Variants in IQCH observed in about 807,000 individuals in gnomAD.
IQCH encodes IQ motif containing H, also known as IQ domain-containing protein H.
IQCH carries 98 observed loss-of-function variants against 117.0 expected under a neutral mutation model. The observed-to-expected ratio is 0.84, with a 90% CI of 0.71 to 0.99. The LOEUF is 0.99. IQCH is among the 50% of genes least tolerant of loss of function. The pLI, the probability that IQCH is intolerant of heterozygous loss-of-function variation, is 0.00. For missense variants in IQCH, 1,102 were observed against 1,243.8 expected, an observed-to-expected ratio of 0.89 and a Z score of 1.72; for synonymous variants, 412 against 448.2, an observed-to-expected ratio of 0.92 and a Z score of 1.02.
In IQCH at chr15:67,390,511, C is replaced by G. The variant is rs144897737; in HGVS notation, c.1632+1505C>G. ...TTTCTTTTTTTCTTTTTTTTTGAGACAGAGTCTCACTCTGTTGCCCAGGCT... is the reference window on the plus strand; with the variant it reads ...TTTCTTTTTTTCTTTTTTTTTGAGAGAGAGTCTCACTCTGTTGCCCAGGCT... On this transcript the variant is annotated intron_variant, in intron 12 of 20. Coordinates refer to ENST00000335894, the MANE Select transcript of IQCH (RefSeq NM_001031715.3). The surrounding 1 kb of genome is among the most constrained non-coding windows in gnomAD (Gnocchi z 5.0). 6.6e-6 allele frequency among the ~76,000 whole-genome samples: 1 copy of G among 151,770 alleles called. No individual in the cohort carries two copies. Among genetic ancestry groups the G allele is most frequent in the Non-Finnish European group, 1.5e-5 (1 of 67,924 alleles).
intron 4 of IQCH, among the ~76,000 whole-genome samples, chr15:67,329,296 C>CT (rs1968554327): frequency 1.6e-5 from 1 of 63,674 alleles, no homozygotes; most frequent in African/African-American, 7.2e-5. Flanking sequence ...AAGACCTTGT[C>CT]TCAAAAAAAA....
At chr15:67,272,766 A>G (rs537436007) in intron 3 of IQCH, among the ~76,000 whole-genome samples, 10 of 152,316 alleles carry the variant, frequency 6.6e-5, no homozygotes, top group South Asian at 4.1e-4. Context: ...CCAGTTGCAT[A>G]GAATATCAAC....
rs368941939 is a variant in IQCH, at chr15:67,357,419, A to G, written c.712A>G (p.Lys238Glu). The G allele has an allele frequency of 1.3e-5, 20 of 1,583,124 alleles. No homozygotes were observed. The highest frequency in any genetic ancestry group is 1.6e-5 in the Non-Finnish European group (19 of 1,151,824). The change falls in exon 7 of 21, where the codon AAG (lysine) becomes GAG (glutamate). Residue 238 changes from lysine (K) to glutamate (E), a missense_variant and splice_region_variant. Physicochemically the swap from Lys to Glu is moderately conservative, Grantham distance 56. This residue lies in a region of IQCH where 452 missense variants were observed against 449.6 expected (regional missense o/e 1.01). Transcript: ENST00000335894. Reference protein sequence around the residue: ...VKFFPKKQRSKGKSRRSRGHH... With the variant: ...VKFFPKKQRSEGKSRRSRGHH... ...GTTCTTTCCCAAGAAACAAAGATCA[A>G]AGGTATTTATATTCCTCACTATAGA...
chr15:67,489,513 C>A (rs2083589479), intron 18 of IQCH, among the ~76,000 whole-genome samples: 1 of 7,798 alleles, frequency 1.3e-4, no homozygotes, highest in Non-Finnish European at 3.0e-4. Flanking sequence ...GCCAGGCTGG[C>A]CTCCTGGGCT....
At chr15:67,414,485 A>G (rs1211636926) in intron 14 of IQCH, among the ~76,000 whole-genome samples, 2 of 152,002 alleles carry the variant, frequency 1.3e-5, no homozygotes, top group African/African-American at 4.8e-5. Context: ...TGAGCAGGAA[A>G]GTGAGGCCAC....
chr15:67,265,453 G>T (rs1215548103), intron 3 of IQCH, among the ~76,000 whole-genome samples: 1 of 152,196 alleles, frequency 6.6e-6, no homozygotes, highest in Non-Finnish European at 1.5e-5. Context: ...GTTTGTATGG[G>T]CCCTATAAAC....
chr15:67,255,014 G>A, intron 1 of IQCH, 67 bp downstream of exon 1: 4 of 1,491,956 alleles, frequency 2.7e-6, no homozygotes, highest in Non-Finnish European at 3.7e-6. Context: ...GGTCCCGCGC[G>A]CCGATTCACC....
chr15:67,359,982 T>G lies in IQCH; in HGVS notation c.753+97T>G. ...AGAGTATGGGTGACTGCTTGACAGCTGGAGATGGCAACAAAAGTTCGTGCT... is the reference window on the plus strand; with the variant it reads ...AGAGTATGGGTGACTGCTTGACAGCGGGAGATGGCAACAAAAGTTCGTGCT... On this transcript the variant is annotated intron_variant, in intron 8 of 20. Transcript: ENST00000335894. The surrounding 1 kb of genome is among the most constrained non-coding windows in gnomAD (Gnocchi z 4.5). 1 of 857,960 alleles carries G rather than the reference T, an allele frequency of 1.2e-6. No individual in the cohort carries two copies. Among genetic ancestry groups the G allele is most frequent in the Non-Finnish European group, 1.9e-6 (1 of 533,120 alleles). 53.1% of individuals were successfully genotyped at this position (857,960 alleles called of 1,614,324 possible).
Position 67,500,885 on chromosome 15 carries a change from A to C in IQCH, c.*139A>C. On this transcript the variant is annotated 3_prime_UTR_variant, in exon 21 of 21. Coordinates refer to ENST00000335894, the MANE Select transcript of IQCH (RefSeq NM_001031715.3). The surrounding 1 kb of genome is among the most constrained non-coding windows in gnomAD (Gnocchi z 4.4). ...GTGAATCAGAACAGATTATAATGAA[A>C]TGCTCTTTTTAAAACATTGTTTATT... 1 of 440,306 alleles carries C rather than the reference A, an allele frequency of 2.3e-6. No homozygotes were observed. The highest frequency in any genetic ancestry group is 4.1e-6 in the Non-Finnish European group (1 of 241,228). 27.3% of individuals were successfully genotyped at this position (440,306 alleles called of 1,614,324 possible). A position where few individuals can be genotyped will look rare whatever the true frequency, so the allele number is the denominator to read the frequency against.
At chr15:67,292,489 G>C (rs1241218915) in intron 4 of IQCH, among the ~76,000 whole-genome samples, 1 of 152,122 alleles carries the variant, frequency 6.6e-6, no homozygotes, top group Non-Finnish European at 1.5e-5. Flanking sequence ...CTGAGCTCAA[G>C]TGATCCTCCT....
chr15:67,295,029 C>T (rs1966843654), intron 4 of IQCH, among the ~76,000 whole-genome samples: 1 of 152,156 alleles, frequency 6.6e-6, no homozygotes, highest in Non-Finnish European at 1.5e-5. Flanking sequence ...CTAAACTCAG[C>T]TGATAAGTGC....
In IQCH at chr15:67,456,481, G is replaced by T. The variant is rs1247088080; in HGVS notation, c.2506-8646G>T. On this transcript the variant is annotated intron_variant, in intron 16 of 20. Coordinates refer to ENST00000335894, the MANE Select transcript of IQCH (RefSeq NM_001031715.3). This position sits in a 1 kb window ranked among gnomAD's most constrained non-coding sequence, Gnocchi z 5.1. ...ATGAGAAGGATGGAGGTCATTCTCA[G>T]TCAGCCAGGACAGTGCTGGTTAAGA... Among the ~76,000 whole-genome samples the T allele has an allele frequency of 6.6e-6, 1 of 152,284 alleles. No individual in the cohort carries two copies. Among genetic ancestry groups the T allele is most frequent in the African/African-American group, 2.4e-5 (1 of 41,550 alleles).
rs1409196973 is a variant in IQCH, at chr15:67,454,073, T to C, written c.2506-11054T>C. 2.0e-5 allele frequency among the ~76,000 whole-genome samples: 3 copies of C among 152,204 alleles called. No individual in the cohort carries two copies. The highest frequency in any genetic ancestry group is 2.1e-4 in the South Asian group (1 of 4,834). ...CCTGGTGTGCTGTTTTTTAAGCCCG[T>C]TGGAAAAGCGCAGTATTAGGGTGGG... On this transcript the variant is annotated intron_variant, in intron 16 of 20. Coordinates refer to ENST00000335894, the MANE Select transcript of IQCH (RefSeq NM_001031715.3). This position sits in a 1 kb window ranked among gnomAD's most constrained non-coding sequence, Gnocchi z 5.2.
intron 4 of IQCH, among the ~76,000 whole-genome samples, chr15:67,302,963 C>A (rs1235865237): frequency 6.6e-6 from 1 of 152,178 alleles, no homozygotes; most frequent in Admixed American, 6.5e-5. Flanking sequence ...GCTTATCTAG[C>A]ATACATTCTG....
intron 18 of IQCH, among the ~76,000 whole-genome samples, chr15:67,477,026 T>A (rs902859069): frequency 6.6e-6 from 1 of 150,806 alleles, no homozygotes; most frequent in East Asian, 1.9e-4. Context: ...ATTTTATACA[T>A]TCTATTTTCT....
At chr15:67,418,162 G>A (rs1181682702) in intron 15 of IQCH, among the ~76,000 whole-genome samples, 5 of 152,026 alleles carry the variant, frequency 3.3e-5, no homozygotes, top group Admixed American at 1.3e-4. Flanking sequence ...AGCTACCTCC[G>A]TGCTGCTCCA....
intron 4 of IQCH, among the ~76,000 whole-genome samples, chr15:67,298,228 A>T (rs770833150): frequency 6.6e-6 from 1 of 151,710 alleles, no homozygotes; most frequent in African/African-American, 2.4e-5. Context: ...GAATTGCTTG[A>T]ACCCAGGAGG....
chr15:67,274,219 A>C (rs1420565156), intron 3 of IQCH, among the ~76,000 whole-genome samples: 2 of 152,128 alleles, frequency 1.3e-5, no homozygotes, highest in African/African-American at 4.8e-5. Flanking sequence ...TAAAGTTTTC[A>C]AAAGTTTTCT....
Position 67,406,816 on chromosome 15 carries a change from T to C in IQCH, c.2097+6511T>C, listed in dbSNP as rs1009039997. Reference sequence around the variant, plus strand: ...ATCTGTAAAGAGAGATTAGTACCTGTCTCATGGGGAAGTGGTGACAAGTAA... The same window carrying C: ...ATCTGTAAAGAGAGATTAGTACCTGCCTCATGGGGAAGTGGTGACAAGTAA... On this transcript the variant is annotated intron_variant, in intron 14 of 20. Coordinates refer to ENST00000335894, the MANE Select transcript of IQCH (RefSeq NM_001031715.3). This position sits in a 1 kb window ranked among gnomAD's most constrained non-coding sequence, Gnocchi z 4.5. The C allele has an allele frequency of 1.3e-5, 2 of 152,228 alleles. No homozygotes were observed. Among genetic ancestry groups the C allele is most frequent in the Non-Finnish European group, 2.9e-5 (2 of 68,042 alleles). The allele number at this position is 152,228 out of a possible 1,614,324, so 9.4% of individuals were successfully genotyped here.
Sources: allele counts gnomAD v4.1 joint callset (sites outside exome capture counted in the v4.1 genomes callset), GRCh38; gene constraint gnomAD v4.1.1; regional missense constraint gnomAD v4.1.1; non-coding constraint Gnocchi (gnomAD v3.1); transcripts MANE v1.5; gene names NCBI Gene and HGNC (gene_info 2026-07-23, HGNC 2026-07-21).